Variants in TCF20 observed in about 807,000 individuals in gnomAD.
TCF20 encodes SPRE-binding protein.
Under a neutral mutation model 148.6 loss-of-function variants are expected in TCF20, and 3 were observed. The observed-to-expected ratio is 0.02, with a 90% CI of 0.01 to 0.05. The LOEUF is 0.05. Ranked by LOEUF, TCF20 falls within the 10% of genes least tolerant of loss-of-function variation. The pLI is 1.00. For missense variants in TCF20, 2,350 were observed against 2,429.3 expected (o/e 0.97, Z 0.69); for synonymous variants, 1,049 against 909.5 (o/e 1.15, Z -2.76).
intron 1 of TCF20, among the ~76,000 whole-genome samples, chr22:42,293,241 C>T (rs1321968176): frequency 6.6e-6 from 1 of 152,214 alleles, no homozygotes; most frequent in Non-Finnish European, 1.5e-5. Context: ...CACCCTGCTC[C>T]AGCCCCAGTG....
intron 1 of TCF20, among the ~76,000 whole-genome samples, chr22:42,266,488 G>A (rs987693435): frequency 1.3e-5 from 2 of 152,210 alleles, no homozygotes; most frequent in African/African-American, 2.4e-5. Flanking sequence ...AAGTTGGCCA[G>A]GTGCAGTGGC....
At chr22:42,163,485 A>G (rs1249213852) in intron 5 of TCF20, among the ~76,000 whole-genome samples, 5 of 152,222 alleles carry the variant, frequency 3.3e-5, no homozygotes, top group African/African-American at 1.2e-4. Context: ...AGGAAGGAAA[A>G]TTCTCTAAGC....
chr22:42,245,687 T>C (rs559910355), intron 1 of TCF20, among the ~76,000 whole-genome samples: 1 of 152,350 alleles, frequency 6.6e-6, no homozygotes. Context: ...ACCTCAATTT[T>C]GCTAAGATCA....
chr22:42,227,601 T>G (rs550969916), intron 1 of TCF20, among the ~76,000 whole-genome samples: 1 of 152,222 alleles, frequency 6.6e-6, no homozygotes, highest in Admixed American at 6.5e-5. Flanking sequence ...GTCCCAACAA[T>G]GTCTTTCCTT....
intron 1 of TCF20, chr22:42,278,292 T>G (rs1478639914): frequency 6.6e-6 from 1 of 152,186 alleles, no homozygotes; most frequent in Non-Finnish European, 1.5e-5. Flanking sequence ...CCCTCTGAGC[T>G]GGGTAGTTAC....
intron 1 of TCF20, among the ~76,000 whole-genome samples, chr22:42,225,517 G>A (rs1331972916): frequency 1.3e-5 from 2 of 150,910 alleles, no homozygotes; most frequent in African/African-American, 2.4e-5. Context: ...GGGAGGCTGA[G>A]GCAGGAGAAT....
chr22:42,303,422 G>A (rs188498845), intron 1 of TCF20, among the ~76,000 whole-genome samples: 1 of 152,390 alleles, frequency 6.6e-6, no homozygotes, highest in Admixed American at 6.5e-5. Context: ...GACACTCCGA[G>A]CGTTCGCTCG....
At chr22:42,209,621 C>G in intron 2 of TCF20, 30 bp downstream of exon 2, 1 of 1,549,650 alleles carries the variant, frequency 6.5e-7, no homozygotes, top group South Asian at 1.2e-5. Context: ...AATAAAAATC[C>G]CAAGCTGGTA....
At chr22:42,218,639 A>G (rs1025824053) in intron 1 of TCF20, among the ~76,000 whole-genome samples, 27 of 152,226 alleles carry the variant, frequency 1.8e-4, no homozygotes, top group African/African-American at 6.0e-4. Context: ...ATCCTTCTGG[A>G]AATAAAATCA....
At chr22:42,280,297 G>A (rs970501906) in intron 1 of TCF20, among the ~76,000 whole-genome samples, 8 of 152,064 alleles carry the variant, frequency 5.3e-5, no homozygotes, top group African/African-American at 1.9e-4. Context: ...GTCACAACTC[G>A]CTCAAGGCCC....
chr22:42,212,888 T>G lies in TCF20; in HGVS notation c.2418A>C (p.Lys806Asn). 1.2e-6 allele frequency: 2 copies of G among 1,614,144 alleles called. No individual in the cohort carries two copies. Among genetic ancestry groups the G allele is most frequent in the East Asian group, 2.2e-5 (1 of 44,872 alleles). The change falls in exon 2 of 6, where the codon AAA (lysine) becomes AAC (asparagine). Residue 806 changes from lysine to asparagine, a missense_variant. Transcript: ENST00000677622. ...GATTTTCTAATAGAGACCCAATGCTTTTGTTCAGAAGGCCCCTGCTAGCTA... is the reference window on the plus strand; with the variant it reads ...GATTTTCTAATAGAGACCCAATGCTGTTGTTCAGAAGGCCCCTGCTAGCTA... ...NELASRGLLNKSIGSLLENPH... is the reference protein window; with the variant it reads ...NELASRGLLNNSIGSLLENPH...
intron 1 of TCF20, among the ~76,000 whole-genome samples, chr22:42,267,381 A>G (rs1926344791): frequency 6.6e-6 from 1 of 151,930 alleles, no homozygotes; most frequent in African/African-American, 2.4e-5. Context: ...CTAGAAAATC[A>G]CAAATAATCT....
intron 1 of TCF20, among the ~76,000 whole-genome samples, chr22:42,295,295 G>GC (rs1927212252): frequency 6.6e-6 from 1 of 152,098 alleles, no homozygotes; most frequent in Non-Finnish European, 1.5e-5. Flanking sequence ...CTGTGAGCCA[G>GC]CCCTACCCTT....
intron 3 of TCF20, among the ~76,000 whole-genome samples, chr22:42,173,900 T>C (rs1936284648): frequency 6.6e-6 from 1 of 152,214 alleles, no homozygotes; most frequent in Admixed American, 6.5e-5. Flanking sequence ...TCTGTCTTGC[T>C]GGACACGCGG....
At position 42,329,585 on chromosome 22, in the gene TCF20, G is replaced by T. The variant is rs567373283; in HGVS notation, c.-37+13894C>A. On this transcript the variant is annotated intron_variant, in intron 1 of 1. Coordinates refer to the TCF20 transcript ENST00000515426. Reference sequence around the variant, plus strand: ...GGATGGTGTGGGGTGGAAAAAGCAAGGAGACGGGAGGGGAGGTGGGGTCAG... The same window carrying T: ...GGATGGTGTGGGGTGGAAAAAGCAATGAGACGGGAGGGGAGGTGGGGTCAG... 2.0e-5 allele frequency among the ~76,000 whole-genome samples: 3 copies of T among 152,366 alleles called. No homozygotes were observed. The South Asian group carries it at 6.2e-4, about 32-fold the overall frequency.
At chr22:42,243,292 C>CAAAAAAAAACAAAAAAAA (rs1924605276) in intron 1 of TCF20, among the ~76,000 whole-genome samples, 1 of 39,478 alleles carries the variant, frequency 2.5e-5, no homozygotes, top group African/African-American at 8.5e-5. Flanking sequence ...GACACTGTCT[C>CAAAAAAAAACAAAAAAAA]AAAAAAAAAA....
intron 1 of TCF20, among the ~76,000 whole-genome samples, chr22:42,229,046 G>T (rs1350824192): frequency 6.6e-6 from 1 of 152,164 alleles, no homozygotes. Context: ...CTGGTCTAGA[G>T]GCTAACTTGG....
intron 3 of TCF20, among the ~76,000 whole-genome samples, chr22:42,173,209 AATTG>A (rs1936234876): frequency 6.6e-6 from 1 of 151,196 alleles, no homozygotes. Flanking sequence ...TTCTCGTCTT[AATTG>A]TTGTGGCTCA....
chr22:42,224,426 C>T (rs1922663413), intron 1 of TCF20, among the ~76,000 whole-genome samples: 1 of 149,564 alleles, frequency 6.7e-6, no homozygotes, highest in South Asian at 2.1e-4. Flanking sequence ...GAGATCGCAC[C>T]ACTGCACTCC....
Sources: gnomAD v4.1 joint callset for allele counts (sites outside exome capture counted in the v4.1 genomes callset) on GRCh38, gnomAD v4.1.1 for gene constraint, MANE v1.5 for transcripts, NCBI Gene and HGNC (gene_info 2026-07-23, HGNC 2026-07-21) for gene names.